The following HEATR5B variants were observed in gnomAD, a reference collection of about 807,000 sequenced individuals.
The protein encoded by HEATR5B is HEAT repeat-containing protein 5B.
In HEATR5B, 156 loss-of-function variants were observed where a neutral mutation model predicts 224.1. The ratio of observed to expected loss-of-function variants is 0.70; its 90% CI spans 0.61 to 0.80. HEATR5B has a LOEUF of 0.80. HEATR5B is among the 30% of genes least tolerant of loss of function. HEATR5B has a pLI of 0.00. For missense variants in HEATR5B, 2,323 were observed against 2,535.5 expected (o/e 0.92, Z 1.80); for synonymous variants, 1,027 against 893.0 (o/e 1.15, Z -2.68).
At position 37,075,535 on chromosome 2, in the gene HEATR5B, T is replaced by G; in HGVS notation, c.547A>C (p.Arg183=). Residue 183 remains arginine (R), a synonymous_variant, in exon 5 of 36, where the codon AGG becomes CGG. Transcript: ENST00000233099. ...ATTGACCTATCAGTCAAGAGAGACC[T>G]GGCATTCTTGTAAATATCACGATGG... The part of the protein sequence containing the change: ...SSHRDIYKNA[R]SLLTDRSMAV... The G allele has an allele frequency of 6.2e-7, 1 of 1,614,090 alleles. No individual in the cohort carries two copies. Among genetic ancestry groups the G allele is most frequent in the Non-Finnish European group, 8.5e-7 (1 of 1,179,954 alleles).
intron 3 of HEATR5B, 106 bp from the exon 4 acceptor site, chr2:37,077,125 A>C (rs1185166773): frequency 1.1e-6 from 1 of 880,546 alleles, no homozygotes; most frequent in Admixed American, 2.5e-5. Flanking sequence ...ACTTTTGGCT[A>C]TAATCCTTAA....
chr2:37,065,113 C>A, intron 9 of HEATR5B, 123 bp from the exon 10 acceptor site: 1 of 947,510 alleles, frequency 1.1e-6, no homozygotes. Flanking sequence ...TATAGATCCA[C>A]AACTTTGCCT....
chr2:37,077,473 T>G (rs1371978776), intron 3 of HEATR5B, among the ~76,000 whole-genome samples: 1 of 152,180 alleles, frequency 6.6e-6, no homozygotes, highest in East Asian at 1.9e-4. Context: ...CATTCCCAGC[T>G]CATTTTGTAT....
intron 24 of HEATR5B, among the ~76,000 whole-genome samples, chr2:37,021,545 C>T (rs72873862): frequency 0.17 from 25,190 of 152,058 alleles, 2,304 homozygotes; most frequent in African/African-American, 0.22. Flanking sequence ...GTGGCCAATG[C>T]GTAACTGACT....
rs1198234756 is a variant in HEATR5B at position 37,065,922 on chromosome 2, A to G, written c.1178-12T>C. ...ATTCACTACTGCTTCTGGAAACACA[A>G]AATCATGTCTTTGACATAGGAGAAA... On this transcript the variant is annotated splice_polypyrimidine_tract_variant and intron_variant, in intron 8 of 35. Transcript: ENST00000233099. 5.6e-6 allele frequency: 9 copies of G among 1,596,992 alleles called. No individual in the cohort carries two copies. The highest frequency in any genetic ancestry group is 2.7e-5 in the African/African-American group (2 of 74,560).
intron 27 of HEATR5B, among the ~76,000 whole-genome samples, chr2:37,010,824 T>A (rs547855803): frequency 6.6e-6 from 1 of 152,028 alleles, no homozygotes; most frequent in African/African-American, 2.4e-5. Flanking sequence ...TAAGCACTCT[T>A]AAGTATATCC....
intron 12 of HEATR5B, 94 bp from the exon 13 acceptor site, chr2:37,059,081 CTTAA>C: frequency 1.4e-6 from 1 of 700,878 alleles, no homozygotes; most frequent in Non-Finnish European, 2.3e-6. Context: ...AGTTGTAATA[CTTAA>C]TTATTATAAC....
chr2:36,995,739 T>A (rs928843142), intron 33 of HEATR5B, among the ~76,000 whole-genome samples: 3 of 152,242 alleles, frequency 2.0e-5, no homozygotes, highest in African/African-American at 7.2e-5. Flanking sequence ...ATATATTGGA[T>A]ATATTATCCA....
chr2:37,019,160 CAA>C (rs1392365310), intron 26 of HEATR5B, among the ~76,000 whole-genome samples: 6 of 126,340 alleles, frequency 4.7e-5, no homozygotes, highest in Non-Finnish European at 5.1e-5. Flanking sequence ...ACTCAGTCTC[CAA>C]AAAAAAAAAA....
rs1667949096 is a variant in HEATR5B, at chr2:37,013,899, A to G, written c.4226T>C (p.Leu1409Pro). ...VQAGKGSSSQ[L>P]YRESATTMEK... The stretch of plus-strand genomic sequence containing the variant: ...CATGGTCGTGGCACTCTCTCGGTAC[A>G]GCTGGCTGGAAGATCCTTTTCCAGC... The change falls in exon 27 of 36, where the codon CTG (leucine) becomes CCG (proline). Residue 1409 changes from leucine (L) to proline (P), a missense_variant. Around this residue, in one of 12 missense-constraint regions of HEATR5B, gnomAD observed 844 missense variants for 812.9 expected, o/e 1.04. Transcript: ENST00000233099. 6.2e-7 allele frequency: 1 copy of G among 1,613,156 alleles called. No homozygotes were observed. Among genetic ancestry groups the G allele is most frequent in the Non-Finnish European group, 8.5e-7 (1 of 1,179,520 alleles).
At position 37,058,503 on chromosome 2, in the gene HEATR5B, G is replaced by A; in HGVS notation, c.2007C>T (p.Val669=). The change falls in exon 14 of 36, where the codon GTC becomes GTT. Residue 669 remains valine, a synonymous_variant. Coordinates refer to ENST00000233099, the MANE Select transcript of HEATR5B (RefSeq NM_019024.3). Reference sequence around the variant, plus strand: ...CCAAGATATCATAAAGTCTTAAACGGACCATTGCAGCACTAGCTTTCAGAT... The same window carrying A: ...CCAAGATATCATAAAGTCTTAAACGAACCATTGCAGCACTAGCTTTCAGAT... ...GAHLKASAAM[V]RLRLYDILAL... The A allele has an allele frequency of 6.2e-7, 1 of 1,613,364 alleles. No individual in the cohort carries two copies. The highest frequency in any genetic ancestry group is 8.5e-7 in the Non-Finnish European group (1 of 1,179,376).
Position 36,981,717 on chromosome 2 carries a change from A to C in HEATR5B, c.5989T>G (p.Ser1997Ala). 6.2e-7 allele frequency: 1 copy of C among 1,614,122 alleles called. No homozygotes were observed. Among genetic ancestry groups the C allele is most frequent in the Non-Finnish European group, 8.5e-7 (1 of 1,179,994 alleles). Reference protein sequence around the residue: ...LDENSFASASSASKDLHEFAL... With the variant: ...LDENSFASASAASKDLHEFAL... ...AACTCATGAAGATCTTTGGAAGCTG[A>C]ACTTGCTGAGGCAAAAGAATTTTCA... is the stretch of plus-strand genomic sequence containing the variant. Residue 1997 changes from serine to alanine, a missense_variant, in exon 36 of 36, where the codon TCA (serine) becomes GCA (alanine). By Grantham distance (99) the Ser-to-Ala change is moderately conservative. This residue lies in a region of HEATR5B where 844 missense variants were observed against 812.9 expected (regional missense o/e 1.04). Transcript: ENST00000233099.
chr2:37,050,770 G>A (rs932396175), intron 17 of HEATR5B, among the ~76,000 whole-genome samples: 3 of 152,188 alleles, frequency 2.0e-5, no homozygotes, highest in African/African-American at 7.2e-5. Flanking sequence ...GCGAGGCGCG[G>A]TGGCCTAGGC....
In HEATR5B at chr2:36,988,727, C is replaced by T. The variant is rs1180129787; in HGVS notation, c.5830G>A (p.Ala1944Thr). The T allele has an allele frequency of 6.2e-7, 1 of 1,613,990 alleles. No individual in the cohort carries two copies. Among genetic ancestry groups the T allele is most frequent in the Non-Finnish European group, 8.5e-7 (1 of 1,180,034 alleles). ...ACCGCTAAAAGCTCTATGTTACTGGCTGGTCTGTTTCTTTCAACAGCTTTT... is the reference window on the plus strand; with the variant it reads ...ACCGCTAAAAGCTCTATGTTACTGGTTGGTCTGTTTCTTTCAACAGCTTTT... Reference protein sequence around the residue: ...KLKAVERNRPASNIELLAVQE... With the variant: ...KLKAVERNRPTSNIELLAVQE... Residue 1944 changes from alanine (A) to threonine (T), a missense_variant, in exon 35 of 36, where the codon GCC becomes ACC. By Grantham distance (58) the Ala-to-Thr change is moderately conservative (BLOSUM62 0). This residue lies in a region of HEATR5B where 844 missense variants were observed against 812.9 expected (regional missense o/e 1.04). Transcript: ENST00000233099.
chr2:37,074,342 T>C (rs1266099035), intron 5 of HEATR5B, among the ~76,000 whole-genome samples: 1 of 126,304 alleles, frequency 7.9e-6, no homozygotes, highest in Non-Finnish European at 1.7e-5. Flanking sequence ...AAAAAAGAAA[T>C]GGTACTGGAA....
chr2:37,071,548 C>T (rs900993915), intron 6 of HEATR5B, among the ~76,000 whole-genome samples: 8 of 152,090 alleles, frequency 5.3e-5, no homozygotes, highest in African/African-American at 1.9e-4. Context: ...TGCCAGATTC[C>T]AGTACCTTAT....
At chr2:37,075,781 T>C (rs1011140014) in intron 4 of HEATR5B, 147 bp from the exon 5 acceptor site, 5 of 494,850 alleles carry the variant, frequency 1.0e-5, no homozygotes, top group African/African-American at 6.0e-5. Flanking sequence ...AAATTAAGTA[T>C]TCTAGAAAGT....
At chr2:37,057,858 CAA>C (rs1230650316) in intron 14 of HEATR5B, among the ~76,000 whole-genome samples, 3 of 151,962 alleles carry the variant, frequency 2.0e-5, no homozygotes, top group Non-Finnish European at 2.9e-5. Flanking sequence ...CACACACAAA[CAA>C]AGATACTTTA....
At chr2:37,003,295 G>A (rs1223386797) in intron 31 of HEATR5B, among the ~76,000 whole-genome samples, 3 of 149,884 alleles carry the variant, frequency 2.0e-5, no homozygotes, top group Admixed American at 6.7e-5. Context: ...AAAATTAGCT[G>A]GGCTTGGTGG....
Sources: allele counts gnomAD v4.1 joint callset (sites outside exome capture counted in the v4.1 genomes callset), GRCh38; gene constraint gnomAD v4.1.1; regional missense constraint gnomAD v4.1.1; transcripts MANE v1.5; gene names NCBI Gene and HGNC (gene_info 2026-07-23, HGNC 2026-07-21).